PXDNL: variants seen among roughly 807,000 people sequenced by gnomAD.
PXDNL encodes peroxidasin like.
PXDNL carries 145 observed loss-of-function variants against 150.8 expected under a neutral mutation model. The observed-to-expected ratio is 0.96, with a 90% CI of 0.84 to 1.10. The LOEUF (loss-of-function observed/expected upper bound fraction) is 1.10. Among genes scored for constraint, PXDNL ranks in the 50% least tolerant of loss-of-function variants. The pLI is 0.00. For synonymous variants in PXDNL, 757 were observed against 725.7 expected, an observed-to-expected ratio of 1.04 and a Z score of -0.69; for missense variants, 2,087 against 1,873.9, an observed-to-expected ratio of 1.11 and a Z score of -2.10.
At chr8:51,748,370 T>G (rs4873204) in intron 1 of PXDNL, among the ~76,000 whole-genome samples, 148,070 of 152,308 alleles carry the variant, frequency 0.97, 72,115 homozygotes, top group East Asian at 1. Context: ...TGTCCTCAGT[T>G]ATCATCTTTC....
chr8:51,425,034 C>T (rs1292300207), intron 13 of PXDNL, among the ~76,000 whole-genome samples: 1 of 152,180 alleles, frequency 6.6e-6, no homozygotes, highest in African/African-American at 2.4e-5. Context: ...CTAGTAGGTC[C>T]TTCCTTCAGA....
intron 1 of PXDNL, among the ~76,000 whole-genome samples, chr8:51,723,860 C>T (rs1031047919): frequency 6.6e-6 from 1 of 151,906 alleles, no homozygotes; most frequent in Admixed American, 6.6e-5. Context: ...GCATTGCGGA[C>T]AGTAAAACTG....
At chr8:51,746,300 A>C (rs2036983757) in intron 1 of PXDNL, among the ~76,000 whole-genome samples, 1 of 152,178 alleles carries the variant, frequency 6.6e-6, no homozygotes. Flanking sequence ...AATCTCTCCA[A>C]GACATTGCCC....
chr8:51,335,832 C>A (rs538763508), intron 21 of PXDNL, among the ~76,000 whole-genome samples: 1 of 151,784 alleles, frequency 6.6e-6, no homozygotes, highest in African/African-American at 2.4e-5. Context: ...CAGAATCAAA[C>A]GAAAAGGGCA....
rs367581716 is a variant in PXDNL at position 51,320,773 on chromosome 8, G to A, written c.4260+11C>T. 3.0e-5 allele frequency: 48 copies of A among 1,602,318 alleles called. No individual in the cohort carries two copies. The highest frequency in any genetic ancestry group is 1.2e-4 in the African/African-American group (9 of 74,310). ...AATGGGGAGTTGGACTGGAAAACTCGCAGCACAAACCTCACAAATGCAGTG... is the reference window on the plus strand; with the variant it reads ...AATGGGGAGTTGGACTGGAAAACTCACAGCACAAACCTCACAAATGCAGTG... On this transcript the variant is annotated intron_variant, in intron 22 of 22. Transcript: ENST00000356297.
intron 2 of PXDNL, among the ~76,000 whole-genome samples, chr8:51,640,891 C>G (rs898569906): frequency 2.6e-5 from 4 of 151,848 alleles, no homozygotes; most frequent in Non-Finnish European, 4.4e-5. Flanking sequence ...GAGCCCGCAT[C>G]GCCAAGTCAA....
chr8:51,682,246 T>C (rs912428426), intron 1 of PXDNL, among the ~76,000 whole-genome samples: 2 of 152,206 alleles, frequency 1.3e-5, no homozygotes, highest in Non-Finnish European at 2.9e-5. Context: ...AGCCAGGGAA[T>C]TTTTATTTGA....
chr8:51,338,624 CTCACAGTGACATTACTG>C (rs1805902257), intron 21 of PXDNL, among the ~76,000 whole-genome samples: 1 of 152,218 alleles, frequency 6.6e-6, no homozygotes, highest in Non-Finnish European at 1.5e-5. Flanking sequence ...AAGCATATAC[CTCACAGTGACATTACTG>C]TCTAAGAAGC....
chr8:51,384,574 A>G (rs1379839221), intron 17 of PXDNL, among the ~76,000 whole-genome samples: 2 of 152,060 alleles, frequency 1.3e-5, no homozygotes, highest in Non-Finnish European at 2.9e-5. Context: ...AAAAGTATGC[A>G]TTTTAGAAAA....
At chr8:51,549,542 T>G (rs1337727466) in intron 4 of PXDNL, among the ~76,000 whole-genome samples, 1 of 152,064 alleles carries the variant, frequency 6.6e-6, no homozygotes, top group African/African-American at 2.4e-5. Flanking sequence ...CTCAAAAATA[T>G]ACAAATACAT....
intron 21 of PXDNL, among the ~76,000 whole-genome samples, chr8:51,338,321 G>A (rs1028060561): frequency 2.0e-5 from 3 of 152,140 alleles, no homozygotes; most frequent in Admixed American, 2.0e-4. Flanking sequence ...GCCTCTCAGG[G>A]AAGCATATGC....
chr8:51,428,431 T>C (rs1809167542), intron 12 of PXDNL, among the ~76,000 whole-genome samples: 1 of 152,178 alleles, frequency 6.6e-6, no homozygotes, highest in Non-Finnish European at 1.5e-5. Context: ...AAGAATAAAG[T>C]GAGAGCAACT....
chr8:51,732,909 C>A (rs1036995487), intron 1 of PXDNL, among the ~76,000 whole-genome samples: 1 of 152,200 alleles, frequency 6.6e-6, no homozygotes, highest in Non-Finnish European at 1.5e-5. Context: ...AGCTACAATT[C>A]AAGATGAGAT....
chr8:51,507,778 A>G (rs888935169), intron 4 of PXDNL, among the ~76,000 whole-genome samples: 36 of 152,146 alleles, frequency 2.4e-4, no homozygotes, highest in African/African-American at 8.7e-4. Context: ...TGGTGGTGCT[A>G]CTAGCCTCCA....
chr8:51,535,797 T>G (rs117050316), intron 4 of PXDNL, among the ~76,000 whole-genome samples: 2,720 of 152,342 alleles, frequency 0.018, 47 homozygotes, highest in Middle Eastern at 0.027. Context: ...CTTTTTCTCC[T>G]TTCTCCCATC....
chr8:51,408,603 C>T lies in PXDNL; in HGVS notation c.3021G>A (p.Ala1007=), dbSNP rs764331991. 2.4e-5 allele frequency: 38 copies of T among 1,611,408 alleles called. No individual in the cohort carries two copies. The Middle Eastern group carries it at 6.6e-4, about 28-fold the overall frequency. ...VYQEARKIVG[A]ELQHITYSHW... is the part of the protein sequence containing the mutation. ...GGCTGTAGGTGATGTGCTGCAGCTC[C>T]GCGCCCACGATCTTCCTGGCTTCCT... Residue 1007 remains alanine, a synonymous_variant, in exon 17 of 23, where the codon GCG becomes GCA. Coordinates refer to ENST00000356297, the MANE Select transcript of PXDNL (RefSeq NM_144651.5).
chr8:51,575,513 T>C (rs1277873108), intron 3 of PXDNL, among the ~76,000 whole-genome samples: 2 of 151,938 alleles, frequency 1.3e-5, no homozygotes, highest in East Asian at 1.9e-4. Flanking sequence ...TCAGGAGTTC[T>C]AGACCAGCTT....
At chr8:51,516,784 A>G (rs1439768190) in intron 4 of PXDNL, among the ~76,000 whole-genome samples, 2 of 152,122 alleles carry the variant, frequency 1.3e-5, no homozygotes, top group Non-Finnish European at 2.9e-5. Context: ...TCCTGACACT[A>G]GGGACCAATT....
chr8:51,628,884 C>T (rs1322869533), intron 2 of PXDNL, among the ~76,000 whole-genome samples: 1 of 150,316 alleles, frequency 6.7e-6, no homozygotes, highest in South Asian at 2.1e-4. Flanking sequence ...CCATAGCAAA[C>T]AAAAACAAAT....
Sources: allele counts gnomAD v4.1 joint callset (sites outside exome capture counted in the v4.1 genomes callset), GRCh38; gene constraint gnomAD v4.1.1; transcripts MANE v1.5; gene names NCBI Gene and HGNC (gene_info 2026-07-23, HGNC 2026-07-21).